The following RNMT variants were observed in gnomAD, a reference collection of about 807,000 sequenced individuals.
RNMT encodes the protein RNA guanine-7 methyltransferase.
In RNMT, 27 loss-of-function variants were observed where a neutral mutation model predicts 56.0. The observed-to-expected ratio is 0.48, with a 90% CI of 0.36 to 0.67. RNMT has a LOEUF of 0.67. RNMT is among the 30% of genes least tolerant of loss of function. RNMT has a pLI of 0.00. For synonymous variants in RNMT, 184 were observed against 176.2 expected (o/e 1.04, Z -0.35); for missense variants, 519 against 552.1 (o/e 0.94, Z 0.60).
rs114235607 is a variant in RNMT at position 13,740,214 on chromosome 18, A to G, written c.727A>G (p.Met243Val). ...ACAGTGTCAGCAGCGGTATGAGGAC[A>G]TGAAAAATCGTCGTGATAGTGAATA... Reference protein sequence around the residue: ...VKQCQQRYEDMKNRRDSEYIF... With the variant: ...VKQCQQRYEDVKNRRDSEYIF... The change falls in exon 6 of 12, where the codon ATG (methionine) becomes GTG (valine). Residue 243 changes from methionine (M) to valine (V), a missense_variant. Coordinates refer to ENST00000383314, the MANE Select transcript of RNMT (RefSeq NM_003799.3). 26 of 1,613,450 alleles carry G rather than the reference A, an allele frequency of 1.6e-5. No homozygotes were observed. The highest frequency in any genetic ancestry group is 6.7e-5 in the East Asian group (3 of 44,872).
chr18:13,746,105 C>G, intron 8 of RNMT, 115 bp from the exon 9 acceptor site: 1 of 641,048 alleles, frequency 1.6e-6, no homozygotes. Flanking sequence ...GTGAATTTAT[C>G]AAGGGAGTGG....
chr18:13,761,057 A>G lies in RNMT; in HGVS notation c.*1078A>G. ...CAAGAATGAAGCAGAGCAATTGAGT[A>G]TTCTTTTTTAAATTATTAAGCCATG... On this transcript the variant is annotated 3_prime_UTR_variant, in exon 12 of 12. Coordinates refer to ENST00000383314, the MANE Select transcript of RNMT (RefSeq NM_003799.3). 1.0e-6 allele frequency: 1 copy of G among 985,342 alleles called. No homozygotes were observed. Among genetic ancestry groups the G allele is most frequent in the Non-Finnish European group, 1.2e-6 (1 of 829,810 alleles). The allele number at this position is 985,342 out of a possible 1,614,324, so 61.0% of individuals were successfully genotyped here.
intron 8 of RNMT, 84 bp downstream of exon 8, chr18:13,742,736 T>C: frequency 2.0e-6 from 2 of 1,000,198 alleles, no homozygotes; most frequent in Non-Finnish European, 1.5e-6. Context: ...ATTTTACTCT[T>C]TATTTTAAAT....
At chr18:13,758,854 C>A (rs1325361577) in intron 11 of RNMT, among the ~76,000 whole-genome samples, 11 of 152,086 alleles carry the variant, frequency 7.2e-5, no homozygotes, top group Admixed American at 6.5e-5. Context: ...GCAAGTCTTC[C>A]TTTCACTTGA....
At chr18:13,756,305 TAGAA>T (rs1213944901) in intron 11 of RNMT, among the ~76,000 whole-genome samples, 2 of 152,168 alleles carry the variant, frequency 1.3e-5, no homozygotes, top group Non-Finnish European at 2.9e-5. Context: ...AGTTTCAAGT[TAGAA>T]AGAAAGTTGC....
At chr18:13,729,801 A>G (rs1173753976) in intron 1 of RNMT, among the ~76,000 whole-genome samples, 1 of 151,864 alleles carries the variant, frequency 6.6e-6, no homozygotes, top group Non-Finnish European at 1.5e-5. Context: ...TTCCTTCATG[A>G]AAAAGCTTTT....
rs1373192777 is a variant in RNMT at position 13,742,582 on chromosome 18, A to G, written c.1069A>G (p.Lys357Glu). The change falls in exon 8 of 12, where the codon AAA (lysine) becomes GAA (glutamate). Residue 357 changes from lysine (K) to glutamate (E), a missense_variant. Lys to Glu is a moderately conservative substitution (Grantham distance 56, BLOSUM62 1). Transcript: ENST00000383314. ...KKGDYPLFGC[K>E]YDFNLEGVVD... is the part of the protein sequence containing the mutation. The stretch of plus-strand genomic sequence containing the variant: ...AGGAGATTATCCTTTATTTGGCTGC[A>G]AATATGACTTCAACTTGGAAGGTGT... 11 of 1,613,664 alleles carry G rather than the reference A, an allele frequency of 6.8e-6. No homozygotes were observed. In the Admixed American group the frequency reaches 1.8e-4, roughly 27 times the overall value.
At position 13,731,660 on chromosome 18, in the gene RNMT, C is replaced by A; in HGVS notation, c.143C>A (p.Ser48Tyr). The A allele has an allele frequency of 6.2e-7, 1 of 1,614,094 alleles. No individual in the cohort carries two copies. Among genetic ancestry groups the A allele is most frequent in the Non-Finnish European group, 8.5e-7 (1 of 1,180,012 alleles). ...ASGTGLSEKTSVCRQVDIARK... is the reference protein window; with the variant it reads ...ASGTGLSEKTYVCRQVDIARK... Reference sequence around the variant, plus strand: ...GGGACTGGGCTTTCTGAAAAGACTTCTGTCTGTAGGCAAGTAGACATAGCA... The same window carrying A: ...GGGACTGGGCTTTCTGAAAAGACTTATGTCTGTAGGCAAGTAGACATAGCA... Residue 48 changes from serine (S) to tyrosine (Y), a missense_variant, in exon 3 of 12, where the codon TCT becomes TAT. Ser to Tyr is a moderately radical substitution (Grantham distance 144). Coordinates refer to ENST00000383314, the MANE Select transcript of RNMT (RefSeq NM_003799.3).
intron 9 of RNMT, among the ~76,000 whole-genome samples, chr18:13,746,958 G>T (rs1359818483): frequency 6.6e-6 from 1 of 152,144 alleles, no homozygotes; most frequent in East Asian, 1.9e-4. Flanking sequence ...AGCAGTGAAG[G>T]TATCTATATA....
At chr18:13,732,029 T>A in intron 3 of RNMT, 95 bp downstream of exon 3, 1 of 986,638 alleles carries the variant, frequency 1.0e-6, no homozygotes, top group Non-Finnish European at 1.5e-6. Flanking sequence ...CATAATAGCT[T>A]AAGAATGTTC....
At chr18:13,739,384 T>A (rs2044216120) in intron 5 of RNMT, among the ~76,000 whole-genome samples, 1 of 152,236 alleles carries the variant, frequency 6.6e-6, no homozygotes, top group African/African-American at 2.4e-5. Flanking sequence ...TATTGTATAG[T>A]GGTGAAGAAT....
rs3744817 is a variant in RNMT, at chr18:13,762,370, C to T, written c.*2391C>T. 0.01 allele frequency: 5,801 copies of T among 553,138 alleles called. 138 individuals are homozygous for T. Among genetic ancestry groups the T allele is most frequent in the Admixed American group, 0.071 (2,124 of 29,958 alleles). 34.3% of individuals were successfully genotyped at this position (553,138 alleles called of 1,614,324 possible). ...AGTTTTTAACCACTTCTGTGGGAGC[C>T]GTGTTCTAACCTGTGGAAAGTATTG... On this transcript the variant is annotated 3_prime_UTR_variant, in exon 12 of 12. Coordinates refer to ENST00000383314, the MANE Select transcript of RNMT (RefSeq NM_003799.3).
intron 5 of RNMT, 136 bp from the exon 6 acceptor site, chr18:13,740,031 C>A: frequency 1.6e-6 from 1 of 637,344 alleles, no homozygotes; most frequent in Non-Finnish European, 2.8e-6. Flanking sequence ...AAGCCCTTTT[C>A]TTTTCTTTTA....
chr18:13,734,863 G>A (rs113217921), intron 4 of RNMT, among the ~76,000 whole-genome samples: 27 of 152,240 alleles, frequency 1.8e-4, no homozygotes, highest in African/African-American at 5.3e-4. Flanking sequence ...TAGTTTTGGA[G>A]CAACTGCATA....
At chr18:13,732,508 TTTAG>T (rs2044087579) in intron 3 of RNMT, among the ~76,000 whole-genome samples, 1 of 152,176 alleles carries the variant, frequency 6.6e-6, no homozygotes, top group Admixed American at 6.5e-5. Context: ...TACATACTGT[TTTAG>T]TTAAGTGAAT....
At chr18:13,738,600 C>T (rs1177717448) in intron 5 of RNMT, among the ~76,000 whole-genome samples, 1 of 152,184 alleles carries the variant, frequency 6.6e-6, no homozygotes, top group Non-Finnish European at 1.5e-5. Flanking sequence ...CTGTCTTGCA[C>T]TTCCTGCATG....
In RNMT at chr18:13,737,044, A is replaced by T. The variant is rs2044170777; in HGVS notation, c.588A>T (p.Lys196Asn). Residue 196 changes from lysine to asparagine, a missense_variant, in exon 5 of 12, where the codon AAA (lysine) becomes AAT (asparagine). Lys to Asn is a moderately conservative substitution (Grantham distance 94, BLOSUM62 0). Coordinates refer to ENST00000383314, the MANE Select transcript of RNMT (RefSeq NM_003799.3). ...TGGAAAAGGTACGACAGAAGAAAAAACGTGATATCACTGTTTTGGACCTGG... is the reference window on the plus strand; with the variant it reads ...TGGAAAAGGTACGACAGAAGAAAAATCGTGATATCACTGTTTTGGACCTGG... ...EFLEKVRQKK[K>N]RDITVLDLGC... 1.2e-6 allele frequency: 2 copies of T among 1,613,360 alleles called. No homozygotes were observed. The highest frequency in any genetic ancestry group is 1.7e-6 in the Non-Finnish European group (2 of 1,179,560).
intron 9 of RNMT, among the ~76,000 whole-genome samples, chr18:13,751,741 A>G (rs1015329362): frequency 6.6e-6 from 1 of 152,230 alleles, no homozygotes; most frequent in Non-Finnish European, 1.5e-5. Flanking sequence ...ATGATAGACT[A>G]GATTAAGAAA....
intron 9 of RNMT, among the ~76,000 whole-genome samples, chr18:13,748,713 C>T (rs1289962314): frequency 6.6e-6 from 1 of 151,982 alleles, no homozygotes; most frequent in Non-Finnish European, 1.5e-5. Flanking sequence ...CTTTTTTTCA[C>T]CAGCAAACAT....
Sources: gnomAD v4.1 joint callset for allele counts (sites outside exome capture counted in the v4.1 genomes callset) on GRCh38, gnomAD v4.1.1 for gene constraint, MANE v1.5 for transcripts, NCBI Gene and HGNC (gene_info 2026-07-23, HGNC 2026-07-21) for gene names.